Variants in DENND5A observed in about 807,000 individuals in gnomAD.
DENND5A encodes DENN domain-containing protein 5A.
Under a neutral mutation model 140.3 loss-of-function variants are expected in DENND5A, and 64 were observed. The observed-to-expected ratio is 0.46, with a 90% CI of 0.37 to 0.56. DENND5A has a LOEUF of 0.56. DENND5A is among the 20% of genes least tolerant of loss of function. DENND5A has a pLI of 0.00. For synonymous variants in DENND5A, 605 were observed against 607.7 expected, an observed-to-expected ratio of 1.00 and a Z score of 0.07; for missense variants, 1,292 against 1,593.8, an observed-to-expected ratio of 0.81 and a Z score of 3.22.
At chr11:9,215,947 T>C (rs1241031132) in intron 1 of DENND5A, among the ~76,000 whole-genome samples, 1 of 152,204 alleles carries the variant, frequency 6.6e-6, no homozygotes, top group Non-Finnish European at 1.5e-5. Context: ...CACATGCACC[T>C]TTCTCTAAAA....
rs770746997 is a variant in DENND5A at position 9,199,059 on chromosome 11, AAAT to A, written c.949+4598_949+4600del. Reference sequence around the variant, plus strand: ...GCAACAAGAGCAAACTCCGTCTCAAAAATAATAATAAATAATAAATAGTTTAAC... The same window carrying A: ...GCAACAAGAGCAAACTCCGTCTCAAAAATAATAAATAATAAATAGTTTAAC... On this transcript the variant is annotated intron_variant, in intron 4 of 22. Transcript: ENST00000328194. Among the ~76,000 whole-genome samples the A allele has an allele frequency of 1.0e-4, 8 of 78,076 alleles. 1 individual carries two copies. The highest frequency in any genetic ancestry group is 1.4e-3 in the East Asian group (2 of 1,468). The allele number at this position is 78,076 out of a possible 152,430, so 51.2% of individuals were successfully genotyped here.
At chr11:9,231,907 T>C (rs1334239370) in intron 1 of DENND5A, among the ~76,000 whole-genome samples, 1 of 152,094 alleles carries the variant, frequency 6.6e-6, no homozygotes, top group Non-Finnish European at 1.5e-5. Context: ...ATTTGTTTTA[T>C]CAAATCTGCA....
chr11:9,198,614 AAAAAAAG>A (rs1590264986), intron 4 of DENND5A, among the ~76,000 whole-genome samples: 1 of 152,042 alleles, frequency 6.6e-6, no homozygotes, highest in East Asian at 1.9e-4. Context: ...CACCTCAAAA[AAAAAAAG>A]AAAAAAGAAA....
chr11:9,207,653 CAG>C (rs1849737736), intron 1 of DENND5A, 21 bp from the exon 2 acceptor site: 1 of 1,533,020 alleles, frequency 6.5e-7, no homozygotes, highest in East Asian at 2.3e-5. Context: ...AATGAAATAA[CAG>C]AGTATTACAA....
chr11:9,160,084 T>C (rs1847928336), intron 12 of DENND5A, among the ~76,000 whole-genome samples: 1 of 152,242 alleles, frequency 6.6e-6, no homozygotes, highest in Non-Finnish European at 1.5e-5. Context: ...CAATGGATAC[T>C]AATATGTATT....
chr11:9,245,157 C>T (rs1162435665), intron 1 of DENND5A, among the ~76,000 whole-genome samples: 4 of 150,190 alleles, frequency 2.7e-5, no homozygotes, highest in East Asian at 2.0e-4. Flanking sequence ...TGGTGGCACG[C>T]GCCTATAGTC....
intron 1 of DENND5A, among the ~76,000 whole-genome samples, chr11:9,224,511 C>G (rs572946241): frequency 5.9e-4 from 90 of 152,226 alleles, no homozygotes; most frequent in African/African-American, 1.8e-3. Context: ...TTAGAATAAC[C>G]TTTATACCCT....
At chr11:9,159,802 T>C (rs982842365) in intron 12 of DENND5A, among the ~76,000 whole-genome samples, 16 of 152,236 alleles carry the variant, frequency 1.1e-4, no homozygotes, top group African/African-American at 2.4e-5. Flanking sequence ...AAAGTTCCCA[T>C]TTCTCCACAT....
At chr11:9,257,482 C>CTT (rs1281178041) in intron 1 of DENND5A, among the ~76,000 whole-genome samples, 1,959 of 118,998 alleles carry the variant, frequency 0.016, 79 homozygotes, top group African/African-American at 0.057. Flanking sequence ...ACACAGTATT[C>CTT]TTTTTTTTTT....
intron 12 of DENND5A, among the ~76,000 whole-genome samples, chr11:9,159,938 G>T (rs936369503): frequency 6.6e-6 from 1 of 152,176 alleles, no homozygotes; most frequent in Non-Finnish European, 1.5e-5. Flanking sequence ...AGAATGCTCT[G>T]AAGAACATGT....
At chr11:9,253,416 A>T (rs1169339024) in intron 1 of DENND5A, among the ~76,000 whole-genome samples, 2 of 152,092 alleles carry the variant, frequency 1.3e-5, no homozygotes, top group African/African-American at 2.4e-5. Context: ...AAAATCCACT[A>T]ATTTCAGTAT....
chr11:9,241,605 T>A (rs918636173), intron 1 of DENND5A, among the ~76,000 whole-genome samples: 2 of 152,178 alleles, frequency 1.3e-5, no homozygotes, highest in African/African-American at 4.8e-5. Context: ...CACAGGCTCT[T>A]CTCTCTGCCT....
At chr11:9,212,770 G>A (rs1849929282) in intron 1 of DENND5A, among the ~76,000 whole-genome samples, 1 of 152,130 alleles carries the variant, frequency 6.6e-6, no homozygotes. Flanking sequence ...ACCTGTACAG[G>A]AATGAGAAAA....
In DENND5A at chr11:9,229,899, C is replaced by CTTTTTTT. The variant is rs71062816; in HGVS notation, c.110-22274_110-22268dup. ...TCTTCATTTCTGAAAGCTCCCATTTCTTTTTTTTTTTTTTTTTTTTTTTTT... is the reference window on the plus strand; with the variant it reads ...TCTTCATTTCTGAAAGCTCCCATTTCTTTTTTTTTTTTTTTTTTTTTTTTTTTTTTTT... On this transcript the variant is annotated intron_variant, in intron 1 of 22. Coordinates refer to ENST00000328194, the MANE Select transcript of DENND5A (RefSeq NM_015213.4). Among the ~76,000 whole-genome samples, 264 of 64,934 alleles carry CTTTTTTT rather than the reference C, an allele frequency of 4.1e-3. 1 individual carries two copies. The highest frequency in any genetic ancestry group is 7.2e-3 in the East Asian group (13 of 1,818). 42.6% of individuals were successfully genotyped at this position (64,934 alleles called of 152,430 possible).
chr11:9,250,811 T>C (rs1050462042), intron 1 of DENND5A, among the ~76,000 whole-genome samples: 1 of 152,186 alleles, frequency 6.6e-6, no homozygotes, highest in Non-Finnish European at 1.5e-5. Flanking sequence ...TGCACATACA[T>C]TGTTTGGCCA....
intron 11 of DENND5A, among the ~76,000 whole-genome samples, chr11:9,162,863 A>ATT (rs61181938): frequency 7.3e-6 from 1 of 136,900 alleles, no homozygotes; most frequent in Non-Finnish European, 1.6e-5. Flanking sequence ...TTCTTTTGTG[A>ATT]TTTTTTTTTT....
chr11:9,211,812 G>C (rs1439311007), intron 1 of DENND5A, among the ~76,000 whole-genome samples: 1 of 151,460 alleles, frequency 6.6e-6, no homozygotes, highest in Non-Finnish European at 1.5e-5. Context: ...TGTGCCTGTA[G>C]TCCCAGTTAC....
At chr11:9,192,151 G>A (rs1168214020) in intron 5 of DENND5A, among the ~76,000 whole-genome samples, 2 of 152,166 alleles carry the variant, frequency 1.3e-5, no homozygotes, top group African/African-American at 4.8e-5. Context: ...AACTAAAGAA[G>A]AGAGAAAAGA....
chr11:9,222,539 A>C (rs1850354473), intron 1 of DENND5A, among the ~76,000 whole-genome samples: 1 of 152,236 alleles, frequency 6.6e-6, no homozygotes, highest in African/African-American at 2.4e-5. Flanking sequence ...ATTAGAAGAA[A>C]AAAAGGCAAT....
Sources: allele counts gnomAD v4.1 joint callset (sites outside exome capture counted in the v4.1 genomes callset), GRCh38; gene constraint gnomAD v4.1.1; transcripts MANE v1.5; gene names NCBI Gene and HGNC (gene_info 2026-07-23, HGNC 2026-07-21).